The following JMJD1C variants were observed in gnomAD, a reference collection of about 807,000 sequenced individuals.
The protein encoded by JMJD1C is jumonji domain-containing protein 1C.
Under a neutral mutation model 245.3 loss-of-function variants are expected in JMJD1C, and 31 were observed. That is an observed-to-expected ratio of 0.13 (90% CI 0.09 to 0.17). The LOEUF is 0.17. JMJD1C is among the 10% of genes least tolerant of loss of function. The pLI, the probability that JMJD1C is intolerant of heterozygous loss-of-function variation, is 1.00. For synonymous variants in JMJD1C, 1,057 were observed against 1,017.4 expected (o/e 1.04, Z -0.74); for missense variants, 2,691 against 3,000.2 (o/e 0.90, Z 2.41).
At chr10:63,236,968 T>C (rs761387933) in intron 3 of JMJD1C, among the ~76,000 whole-genome samples, 1 of 99,854 alleles carries the variant, frequency 1.0e-5, no homozygotes, top group Non-Finnish European at 2.0e-5. Flanking sequence ...TAAAAACAAC[T>C]AATATTGAAA....
intron 1 of JMJD1C, among the ~76,000 whole-genome samples, chr10:63,439,842 A>T (rs1406571632): frequency 6.6e-6 from 1 of 152,192 alleles, no homozygotes; most frequent in Non-Finnish European, 1.5e-5. Context: ...TTATTTTTTT[A>T]AGTAATTTGA....
intron 3 of JMJD1C, chr10:63,222,803 T>C (rs1459992686): frequency 6.9e-7 from 1 of 1,453,840 alleles, no homozygotes; most frequent in Non-Finnish European, 9.7e-7. Context: ...TAGTGAAAAA[T>C]TAATGATTGA....
chr10:63,354,857 CAAAAAAAAAA>C (rs148651978), intron 2 of JMJD1C, among the ~76,000 whole-genome samples: 2 of 94,934 alleles, frequency 2.1e-5, no homozygotes, highest in African/African-American at 7.5e-5. Context: ...TCTACTTTAA[CAAAAAAAAAA>C]AAAAAAAAAG....
intron 1 of JMJD1C, among the ~76,000 whole-genome samples, chr10:63,393,313 G>C (rs1948226012): frequency 6.6e-6 from 1 of 151,950 alleles, no homozygotes; most frequent in African/African-American, 2.4e-5. Flanking sequence ...GAATCATCAG[G>C]GAAATGTATA....
At chr10:63,462,635 T>C (rs1166931887) in intron 1 of JMJD1C, among the ~76,000 whole-genome samples, 1 of 152,080 alleles carries the variant, frequency 6.6e-6, no homozygotes, top group African/African-American at 2.4e-5. Context: ...TAGAAGGAGA[T>C]GACTAGGGAA....
intron 24 of JMJD1C, among the ~76,000 whole-genome samples, chr10:63,172,292 T>C (rs1842441220): frequency 6.6e-6 from 1 of 152,220 alleles, no homozygotes; most frequent in Non-Finnish European, 1.5e-5. Context: ...ATAAAGTGGA[T>C]TCCAACCTAA....
intron 3 of JMJD1C, among the ~76,000 whole-genome samples, chr10:63,256,869 G>A (rs1262902142): frequency 1.3e-5 from 2 of 152,212 alleles, no homozygotes; most frequent in African/African-American, 2.4e-5. Flanking sequence ...AAAGGGAGAT[G>A]CATATGAAAA....
intron 1 of JMJD1C, among the ~76,000 whole-genome samples, chr10:63,481,686 T>C (rs1953835356): frequency 6.6e-6 from 1 of 152,192 alleles, no homozygotes; most frequent in African/African-American, 2.4e-5. Flanking sequence ...ATACAAACAC[T>C]TCTTTCAAAA....
intron 2 of JMJD1C, among the ~76,000 whole-genome samples, chr10:63,309,895 C>T (rs533860694): frequency 6.6e-6 from 1 of 151,732 alleles, no homozygotes; most frequent in East Asian, 1.9e-4. Flanking sequence ...CCAGCCTGGG[C>T]GACAGAACAA....
intron 21 of JMJD1C, 56 bp from the exon 22 acceptor site, chr10:63,183,625 A>T: frequency 9.7e-7 from 1 of 1,035,028 alleles, no homozygotes; most frequent in Non-Finnish European, 1.4e-6. Context: ...GTAATAGCAT[A>T]ATCAGATATT....
rs1842856163 is a variant in JMJD1C at position 63,176,292 on chromosome 10, T to C, written c.7401+5A>G. ...AAAATATGTTAGAAATAAGTTTGTA[T>C]ATACCTGATGAAGTGCTCCCGCTGG... On this transcript the variant is annotated splice_donor_5th_base_variant and intron_variant, in intron 24 of 25. Coordinates refer to ENST00000399262, the MANE Select transcript of JMJD1C (RefSeq NM_032776.3). The C allele has an allele frequency of 1.9e-6, 3 of 1,606,608 alleles. No homozygotes were observed. The highest frequency in any genetic ancestry group is 8.5e-7 in the Non-Finnish European group (1 of 1,176,178).
chr10:63,314,672 G>A (rs1402182355), intron 2 of JMJD1C, among the ~76,000 whole-genome samples: 2 of 150,416 alleles, frequency 1.3e-5, no homozygotes, highest in East Asian at 1.9e-4. Context: ...TTTGAGATGC[G>A]AGTTTCACTC....
intron 1 of JMJD1C, among the ~76,000 whole-genome samples, chr10:63,503,362 AATT>A (rs751870890): frequency 1.1e-4 from 17 of 152,218 alleles, no homozygotes; most frequent in Non-Finnish European, 2.4e-4. Context: ...CTGGGAGACA[AATT>A]ATTAATAATT....
At chr10:63,287,194 G>C (rs1376339425) in intron 2 of JMJD1C, among the ~76,000 whole-genome samples, 1 of 151,958 alleles carries the variant, frequency 6.6e-6, no homozygotes, top group African/African-American at 2.4e-5. Flanking sequence ...GGCAGCTTTT[G>C]ATGCAAAAAA....
At chr10:63,437,700 T>C (rs1321707577) in intron 1 of JMJD1C, among the ~76,000 whole-genome samples, 1 of 152,236 alleles carries the variant, frequency 6.6e-6, no homozygotes, top group African/African-American at 2.4e-5. Context: ...TCCAGTTCTC[T>C]AGTAAACTCA....
At position 63,299,826 on chromosome 10, in the gene JMJD1C, A is replaced by C. The variant is rs375336191; in HGVS notation, c.334-35062T>G. 4.8e-4 allele frequency among the ~76,000 whole-genome samples: 73 copies of C among 152,130 alleles called. 1 individual carries two copies. In the South Asian group the frequency reaches 0.015, roughly 31 times the overall value. On this transcript the variant is annotated intron_variant, in intron 2 of 25. Coordinates refer to ENST00000399262, the MANE Select transcript of JMJD1C (RefSeq NM_032776.3). ...AATTCAGAGATGATTTTGCCTTGGA[A>C]AATCATCTCTGCAAGAAATAGTTAA... is the stretch of plus-strand genomic sequence containing the variant.
At chr10:63,455,266 A>G (rs1020080842) in intron 1 of JMJD1C, among the ~76,000 whole-genome samples, 1 of 152,192 alleles carries the variant, frequency 6.6e-6, no homozygotes, top group Non-Finnish European at 1.5e-5. Context: ...CCTATACTCC[A>G]TATCTAAGAT....
At chr10:63,243,835 A>G (rs1236667342) in intron 3 of JMJD1C, among the ~76,000 whole-genome samples, 1 of 152,226 alleles carries the variant, frequency 6.6e-6, no homozygotes, top group Non-Finnish European at 1.5e-5. Context: ...CCAGAAGCAG[A>G]TAATAAGAGA....
At chr10:63,515,457 G>A (rs967370087) in intron 1 of JMJD1C, among the ~76,000 whole-genome samples, 9 of 152,150 alleles carry the variant, frequency 5.9e-5, no homozygotes, top group African/African-American at 1.9e-4. Context: ...GCTTCCTTAG[G>A]ACTGGCTCTC....
Sources: allele counts gnomAD v4.1 joint callset (sites outside exome capture counted in the v4.1 genomes callset), GRCh38; gene constraint gnomAD v4.1.1; transcripts MANE v1.5; gene names NCBI Gene and HGNC (gene_info 2026-07-23, HGNC 2026-07-21).